The following TRPS1 variants were observed in gnomAD, a reference collection of about 807,000 sequenced individuals.
TRPS1 encodes transcriptional repressor GATA binding 1, also known as zinc finger transcription factor Trps1.
TRPS1 carries 6 observed loss-of-function variants against 101.2 expected under a neutral mutation model. That is an observed-to-expected ratio of 0.06 (90% CI 0.03 to 0.12). The LOEUF (loss-of-function observed/expected upper bound fraction) is 0.12, where lower values mean the gene tolerates loss of function less well. TRPS1 is among the 10% of genes least tolerant of loss of function. The probability of loss-of-function intolerance (pLI) is 1.00; values close to 1 mark genes in which losing one functional copy is unlikely to be tolerated. For synonymous variants in TRPS1, 578 were observed against 589.8 expected, an observed-to-expected ratio of 0.98 and a Z score of 0.29; for missense variants, 1,363 against 1,567.0, an observed-to-expected ratio of 0.87 and a Z score of 2.20.
At chr8:115,473,162 AACT>A (rs1814515171) in intron 5 of TRPS1, among the ~76,000 whole-genome samples, 1 of 152,194 alleles carries the variant, frequency 6.6e-6, no homozygotes, top group Admixed American at 6.5e-5. Context: ...TGTTATAAAG[AACT>A]GCCCAAGACT....
At chr8:115,425,159 C>T (rs997598312) in intron 5 of TRPS1, among the ~76,000 whole-genome samples, 3 of 152,192 alleles carry the variant, frequency 2.0e-5, no homozygotes, top group Non-Finnish European at 2.9e-5. Flanking sequence ...ACTCTGCCAA[C>T]AGAAAGCAAT....
intron 5 of TRPS1, among the ~76,000 whole-genome samples, chr8:115,419,119 T>C (rs1812992256): frequency 6.6e-6 from 1 of 152,196 alleles, no homozygotes; most frequent in South Asian, 2.1e-4. Flanking sequence ...GACCCTTCAA[T>C]GGCTATTTAT....
In TRPS1 at chr8:115,409,518, A is replaced by C. The variant is rs1812738920; in HGVS notation, c.*4505T>G. The C allele has an allele frequency of 6.6e-6, 1 of 152,050 alleles. No individual in the cohort carries two copies. Among genetic ancestry groups the C allele is most frequent in the Admixed American group, 6.6e-5 (1 of 15,230 alleles). The allele number at this position is 152,050 out of a possible 1,614,324, so 9.4% of individuals were successfully genotyped here. ...ATTTTCTTCATGTGACATACTTGAC[A>C]TACTTCTGCCCTAGCATATTCCAGA... On this transcript the variant is annotated 3_prime_UTR_variant, in exon 7 of 7. Transcript: ENST00000395715.
At chr8:115,630,984 C>T (rs1239176473) in intron 1 of TRPS1, among the ~76,000 whole-genome samples, 2 of 152,048 alleles carry the variant, frequency 1.3e-5, no homozygotes, top group Non-Finnish European at 2.9e-5. Context: ...TATTTGTCTG[C>T]CTCTATAGTT....
intron 4 of TRPS1, among the ~76,000 whole-genome samples, chr8:115,592,172 C>T (rs1390447379): frequency 3.9e-5 from 6 of 152,132 alleles, no homozygotes; most frequent in Non-Finnish European, 5.9e-5. Context: ...TCTTTCTCAG[C>T]GATAGAGATT....
At chr8:115,535,547 G>A (rs571492714) in intron 5 of TRPS1, among the ~76,000 whole-genome samples, 43 of 148,132 alleles carry the variant, frequency 2.9e-4, no homozygotes, top group Non-Finnish European at 4.5e-4. Flanking sequence ...TATATATAGC[G>A]CATATATATA....
chr8:115,664,536 T>C (rs1231794530), intron 1 of TRPS1, among the ~76,000 whole-genome samples: 2 of 152,100 alleles, frequency 1.3e-5, no homozygotes, highest in Non-Finnish European at 2.9e-5. Flanking sequence ...TGTCATTAAT[T>C]TCCCAAAACT....
intron 4 of TRPS1, among the ~76,000 whole-genome samples, chr8:115,592,162 T>C (rs1300684426): frequency 6.6e-6 from 1 of 152,176 alleles, no homozygotes; most frequent in Non-Finnish European, 1.5e-5. Flanking sequence ...CCAAAGAGTT[T>C]CTTTCTCAGC....
chr8:115,590,182 A>G (rs1333175832), intron 4 of TRPS1, among the ~76,000 whole-genome samples: 2 of 152,166 alleles, frequency 1.3e-5, no homozygotes, highest in Non-Finnish European at 2.9e-5. Context: ...AACGGGAGAT[A>G]AACACATAAA....
intron 5 of TRPS1, among the ~76,000 whole-genome samples, chr8:115,446,948 AG>A (rs1813752460): frequency 6.6e-6 from 1 of 152,148 alleles, no homozygotes; most frequent in African/African-American, 2.4e-5. Flanking sequence ...TGTTTTTCAA[AG>A]GTGAGGGTGA....
intron 5 of TRPS1, among the ~76,000 whole-genome samples, chr8:115,503,756 C>T (rs1353587022): frequency 6.6e-6 from 1 of 152,170 alleles, no homozygotes; most frequent in African/African-American, 2.4e-5. Context: ...CACATTTTGT[C>T]ATCATCTTGA....
intron 5 of TRPS1, among the ~76,000 whole-genome samples, chr8:115,499,467 C>T (rs957646679): frequency 3.9e-5 from 6 of 152,130 alleles, no homozygotes; most frequent in African/African-American, 7.2e-5. Flanking sequence ...ATCCTACCAT[C>T]GAGAGGGCCC....
intron 4 of TRPS1, among the ~76,000 whole-genome samples, chr8:115,594,200 A>G (rs1048715761): frequency 9.9e-5 from 15 of 152,118 alleles, no homozygotes; most frequent in Admixed American, 9.2e-4. Context: ...CTCTGGGTAC[A>G]TTAAGCCAAA....
intron 5 of TRPS1, among the ~76,000 whole-genome samples, chr8:115,576,992 T>C (rs1017532527): frequency 2.0e-5 from 3 of 152,180 alleles, no homozygotes; most frequent in Non-Finnish European, 4.4e-5. Flanking sequence ...GATTTTTCTA[T>C]ATTACCAGGG....
intron 5 of TRPS1, among the ~76,000 whole-genome samples, chr8:115,492,893 A>G (rs190495449): frequency 2.3e-3 from 346 of 151,828 alleles, no homozygotes; most frequent in African/African-American, 8.1e-3. Flanking sequence ...TTTGTATTTT[A>G]TTGTAGAGAT....
intron 3 of TRPS1, among the ~76,000 whole-genome samples, chr8:115,618,473 T>C (rs1818317926): frequency 6.6e-6 from 1 of 152,204 alleles, no homozygotes; most frequent in South Asian, 2.1e-4. Context: ...AAATTATTAC[T>C]AAATGCTTTC....
rs536165933 is a variant in TRPS1 at position 115,474,661 on chromosome 8, G to A, written c.2701-56209C>T. 2.0e-5 allele frequency among the ~76,000 whole-genome samples: 3 copies of A among 151,776 alleles called. No homozygotes were observed. The East Asian group carries it at 5.8e-4, about 29-fold the overall frequency. ...GTTCAATGGTGTTGCAAACTAACCAGAATTGAATTACACTTATTAAAATAT... is the reference window on the plus strand; with the variant it reads ...GTTCAATGGTGTTGCAAACTAACCAAAATTGAATTACACTTATTAAAATAT... On this transcript the variant is annotated intron_variant, in intron 5 of 6. Transcript: ENST00000395715.
intron 3 of TRPS1, among the ~76,000 whole-genome samples, chr8:115,609,522 C>T (rs1489401354): frequency 6.6e-6 from 1 of 152,080 alleles, no homozygotes; most frequent in Non-Finnish European, 1.5e-5. Context: ...AATGTCTCAC[C>T]AAGGCCCCTG....
intron 2 of TRPS1, among the ~76,000 whole-genome samples, chr8:115,621,243 C>A (rs940065311): frequency 1.3e-5 from 2 of 152,182 alleles, no homozygotes; most frequent in African/African-American, 4.8e-5. Context: ...AAAAAGCTGT[C>A]GAGTGCTGTG....
Sources: gnomAD v4.1 joint callset for allele counts (sites outside exome capture counted in the v4.1 genomes callset) on GRCh38, gnomAD v4.1.1 for gene constraint, MANE v1.5 for transcripts, NCBI Gene and HGNC (gene_info 2026-07-23, HGNC 2026-07-21) for gene names.